EGFLAM: variants seen among roughly 807,000 people sequenced by gnomAD.
EGFLAM encodes the protein EGF like, fibronectin type III and laminin G domains.
A neutral mutation model predicts 113.1 loss-of-function variants in EGFLAM; 79 were observed. The ratio of observed to expected loss-of-function variants is 0.70; its 90% CI spans 0.58 to 0.84. EGFLAM has a LOEUF of 0.84. Among genes scored for constraint, EGFLAM ranks in the 40% least tolerant of loss-of-function variants. The pLI, the probability that EGFLAM is intolerant of heterozygous loss-of-function variation, is 0.00. For missense variants in EGFLAM, 1,265 were observed against 1,291.6 expected (o/e 0.98, Z 0.32); for synonymous variants, 504 against 487.6 (o/e 1.03, Z -0.44).
At chr5:38,428,105 G>A (rs922099541) in intron 14 of EGFLAM, among the ~76,000 whole-genome samples, 3 of 152,132 alleles carry the variant, frequency 2.0e-5, no homozygotes, top group East Asian at 1.9e-4. Context: ...TGTCTAATTC[G>A]TCTTTTTTGA....
Position 38,430,216 on chromosome 5 carries a change from G to A in EGFLAM, c.2055-961G>A, listed in dbSNP as rs80065075. On this transcript the variant is annotated intron_variant, in intron 14 of 21. Coordinates refer to ENST00000322350, the MANE Select transcript of EGFLAM (RefSeq NM_152403.4). ...GAAAGGTCCTTCTTATTTTTTATGC[G>A]TTTCAAAGTATGTTACAGACATTGG... 2.1e-3 allele frequency: 334 copies of A among 156,050 alleles called. 9 individuals are homozygous for A. The South Asian group carries it at 0.036, about 17-fold the overall frequency. The allele number at this position is 156,050 out of a possible 1,614,324, so 9.7% of individuals were successfully genotyped here.
intron 6 of EGFLAM, among the ~76,000 whole-genome samples, chr5:38,399,276 CG>C (rs1479029097): frequency 4.1e-5 from 5 of 123,398 alleles, no homozygotes; most frequent in East Asian, 2.1e-4. Flanking sequence ...TTTTTGTTTT[CG>C]TTTTTTTTTT....
intron 1 of EGFLAM, among the ~76,000 whole-genome samples, chr5:38,293,225 T>C (rs1250136367): frequency 1.3e-5 from 2 of 152,186 alleles, no homozygotes; most frequent in Non-Finnish European, 2.9e-5. Flanking sequence ...GAACATAGGA[T>C]TTGAATCAGA....
chr5:38,314,617 A>T (rs922029639), intron 1 of EGFLAM, among the ~76,000 whole-genome samples: 5 of 152,214 alleles, frequency 3.3e-5, no homozygotes, highest in African/African-American at 1.2e-4. Context: ...GGCCTAGGTG[A>T]GCACTGCCAT....
intron 1 of EGFLAM, among the ~76,000 whole-genome samples, chr5:38,314,558 T>C (rs1302909178): frequency 1.3e-5 from 2 of 152,206 alleles, no homozygotes; most frequent in Non-Finnish European, 2.9e-5. Context: ...TCCTCAGGGA[T>C]GTACATGTGA....
intron 6 of EGFLAM, among the ~76,000 whole-genome samples, chr5:38,404,458 G>A (rs752354988): frequency 1.5e-4 from 23 of 152,164 alleles, no homozygotes; most frequent in Non-Finnish European, 2.8e-4. Flanking sequence ...ACAGCCTGCA[G>A]AACTGTGAAA....
intron 11 of EGFLAM, among the ~76,000 whole-genome samples, chr5:38,415,479 G>C (rs966703234): frequency 1.3e-5 from 2 of 152,092 alleles, no homozygotes; most frequent in Non-Finnish European, 2.9e-5. Flanking sequence ...ACTCAGCCTA[G>C]CCTAGGCAAC....
intron 16 of EGFLAM, among the ~76,000 whole-genome samples, chr5:38,437,494 C>G (rs966400755): frequency 2.6e-5 from 4 of 152,188 alleles, no homozygotes; most frequent in Non-Finnish European, 5.9e-5. Flanking sequence ...GCACTCTCCC[C>G]ACTCTGCTTT....
intron 6 of EGFLAM, among the ~76,000 whole-genome samples, chr5:38,387,373 GC>G (rs1182583940): frequency 2.6e-5 from 4 of 152,164 alleles, no homozygotes; most frequent in African/African-American, 9.7e-5. Flanking sequence ...CATAGCATGA[GC>G]CCTCCATGCC....
intron 1 of EGFLAM, among the ~76,000 whole-genome samples, chr5:38,273,725 A>T (rs1757820234): frequency 6.6e-6 from 1 of 152,232 alleles, no homozygotes; most frequent in South Asian, 2.1e-4. Context: ...TTACTATTGA[A>T]GGACATTCCT....
chr5:38,449,950 T>A (rs1161720387), intron 18 of EGFLAM, among the ~76,000 whole-genome samples: 1 of 152,208 alleles, frequency 6.6e-6, no homozygotes, highest in Non-Finnish European at 1.5e-5. Flanking sequence ...GTCCTCAGCG[T>A]CTTCTCCAGA....
At chr5:38,435,843 A>C (rs1268759107) in intron 16 of EGFLAM, among the ~76,000 whole-genome samples, 1 of 93,952 alleles carries the variant, frequency 1.1e-5, no homozygotes, top group African/African-American at 4.3e-5. Flanking sequence ...TTTGAGATTG[A>C]GTCTCGCTCT....
At chr5:38,309,291 T>G (rs980856921) in intron 1 of EGFLAM, among the ~76,000 whole-genome samples, 2 of 152,212 alleles carry the variant, frequency 1.3e-5, no homozygotes, top group African/African-American at 4.8e-5. Flanking sequence ...TATGAGTATT[T>G]ACACCACAGA....
chr5:38,443,044 T>C (rs1742596473), intron 17 of EGFLAM, among the ~76,000 whole-genome samples: 1 of 152,200 alleles, frequency 6.6e-6, no homozygotes, highest in Non-Finnish European at 1.5e-5. Context: ...GGCGGGCGGA[T>C]GACCTCAAGT....
chr5:38,301,247 G>A (rs557264675), intron 1 of EGFLAM, among the ~76,000 whole-genome samples: 5 of 152,244 alleles, frequency 3.3e-5, no homozygotes, highest in Non-Finnish European at 5.9e-5. Flanking sequence ...AAAACCAGGA[G>A]GAAACCAGGA....
chr5:38,458,397 G>A lies in EGFLAM; in HGVS notation c.2771+3G>A. The A allele has an allele frequency of 6.2e-7, 1 of 1,613,796 alleles. No homozygotes were observed. The highest frequency in any genetic ancestry group is 8.5e-7 in the Non-Finnish European group (1 of 1,179,842). On this transcript the variant is annotated splice_donor_region_variant and intron_variant, in intron 20 of 21. Coordinates refer to ENST00000322350, the MANE Select transcript of EGFLAM (RefSeq NM_152403.4). ...TGGCACCGAGTTAAGGCCGTTAGGT[G>A]AGTCCCTCCCGCAGCATGAGGCAGA...
At chr5:38,438,750 A>G (rs1301778913) in intron 17 of EGFLAM, among the ~76,000 whole-genome samples, 1 of 152,208 alleles carries the variant, frequency 6.6e-6, no homozygotes, top group Non-Finnish European at 1.5e-5. Context: ...GAGTTAACCC[A>G]TAACAGAGTA....
At chr5:38,394,002 G>T (rs1740886015) in intron 6 of EGFLAM, among the ~76,000 whole-genome samples, 1 of 152,152 alleles carries the variant, frequency 6.6e-6, no homozygotes, top group Non-Finnish European at 1.5e-5. Flanking sequence ...ATGGGAAGGT[G>T]ATCTTTCCCT....
chr5:38,440,868 C>T (rs566472939), intron 17 of EGFLAM, among the ~76,000 whole-genome samples: 35 of 152,250 alleles, frequency 2.3e-4, no homozygotes, highest in African/African-American at 7.7e-4. Context: ...TTTTCTGGAT[C>T]GTCAGTGAGT....
Sources: allele counts gnomAD v4.1 joint callset (sites outside exome capture counted in the v4.1 genomes callset), GRCh38; gene constraint gnomAD v4.1.1; transcripts MANE v1.5; gene names NCBI Gene and HGNC (gene_info 2026-07-23, HGNC 2026-07-21).